Variants in CATSPERD observed in about 807,000 individuals in gnomAD.
The protein encoded by CATSPERD is cation channel sperm-associated auxiliary subunit delta.
In CATSPERD, 86 loss-of-function variants were observed where a neutral mutation model predicts 98.1. The ratio of observed to expected loss-of-function variants is 0.88; its 90% confidence interval spans 0.74 to 1.05. The LOEUF is 1.05. CATSPERD is among the 50% of genes least tolerant of loss of function. The probability of loss-of-function intolerance (pLI) is 0.00; values close to 1 mark genes in which losing one functional copy is unlikely to be tolerated. For missense variants in CATSPERD, 995 were observed against 1,005.7 expected (o/e 0.99, Z 0.14); for synonymous variants, 394 against 390.2 (o/e 1.01, Z -0.12).
At position 5,751,691 on chromosome 19, in the gene CATSPERD, C is replaced by G. The variant is rs1039343416; in HGVS notation, c.1032C>G (p.Phe344Leu). The change falls in exon 12 of 22, where the codon TTC becomes TTG. Residue 344 changes from phenylalanine to leucine, a missense_variant. Transcript: ENST00000381624. ...GGTCAGAAGACGTGGCCCTGATGTT[C>G]AGGAGCCCAGGGACTCTGGAAATAC... ...YIWSEDVALM[F>L]RSPGTLEILT... is the part of the protein sequence containing the mutation. 2 of 1,612,738 alleles carry G rather than the reference C, an allele frequency of 1.2e-6. No individual in the cohort carries two copies. The highest frequency in any genetic ancestry group is 1.3e-5 in the African/African-American group (1 of 74,974).
chr19:5,748,326 C>A, intron 10 of CATSPERD, 71 bp downstream of exon 10: 2 of 1,412,244 alleles, frequency 1.4e-6, no homozygotes, highest in Non-Finnish European at 2.0e-6. Flanking sequence ...CTGCCAGACC[C>A]AACCCAGCCA....
intron 4 of CATSPERD, among the ~76,000 whole-genome samples, chr19:5,731,562 T>TTTTTTTG (rs1157964892): frequency 9.8e-6 from 1 of 102,530 alleles, no homozygotes; most frequent in Non-Finnish European, 2.0e-5. Flanking sequence ...ACTTAACAGT[T>TTTTTTTG]TTTTTTTTTT....
chr19:5,733,228 A>T (rs1345090748), intron 4 of CATSPERD, among the ~76,000 whole-genome samples: 3 of 151,682 alleles, frequency 2.0e-5, no homozygotes, highest in Non-Finnish European at 4.4e-5. Context: ...TCCTCACCTC[A>T]GGTGATTCAC....
chr19:5,775,964 G>A (rs1031941808), intron 20 of CATSPERD, among the ~76,000 whole-genome samples, 197 bp from the exon 21 acceptor site: 1 of 152,134 alleles, frequency 6.6e-6, no homozygotes, highest in Non-Finnish European at 1.5e-5. Context: ...AGGTGAGATG[G>A]AGGCTGAGCA....
chr19:5,774,129 G>A (rs188015607), intron 20 of CATSPERD, among the ~76,000 whole-genome samples: 4 of 151,508 alleles, frequency 2.6e-5, no homozygotes, highest in East Asian at 2.0e-4. Context: ...CACCACGCCC[G>A]GTTAATTTTT....
At chr19:5,750,688 T>C (rs1599553897) in intron 11 of CATSPERD, among the ~76,000 whole-genome samples, 1 of 151,408 alleles carries the variant, frequency 6.6e-6, no homozygotes, top group Middle Eastern at 3.4e-3. Context: ...TGAGCCGAGA[T>C]CGTGCCACTG....
intron 1 of CATSPERD, among the ~76,000 whole-genome samples, chr19:5,723,671 A>G (rs1305420366): frequency 1.3e-5 from 2 of 151,456 alleles, no homozygotes; most frequent in African/African-American, 4.8e-5. Context: ...TCACCGTGTT[A>G]GCCAGGATGG....
At chr19:5,744,633 C>T in intron 8 of CATSPERD, 123 bp downstream of exon 8, 1 of 552,182 alleles carries the variant, frequency 1.8e-6, no homozygotes, top group South Asian at 2.5e-5. Flanking sequence ...CAGAGTCTCG[C>T]TCTGTCAGCC....
chr19:5,731,669 G>A (rs1023754044), intron 4 of CATSPERD, among the ~76,000 whole-genome samples: 11 of 129,598 alleles, frequency 8.5e-5, no homozygotes, highest in Admixed American at 2.0e-4. Flanking sequence ...TCCGCTTCCC[G>A]GGTTCACGCC....
intron 6 of CATSPERD, 102 bp downstream of exon 6, chr19:5,737,307 T>A: frequency 6.7e-6 from 5 of 746,340 alleles, no homozygotes; most frequent in Non-Finnish European, 1.1e-5. Flanking sequence ...ATACCTGTAA[T>A]CCCAGCACTT....
At chr19:5,757,954 C>A in intron 14 of CATSPERD, 22 bp downstream of exon 14, 2 of 1,599,812 alleles carry the variant, frequency 1.3e-6, no homozygotes, top group Non-Finnish European at 1.7e-6. Context: ...CCCCACCAAA[C>A]CCTGTCGCCT....
intron 15 of CATSPERD, 114 bp downstream of exon 15, chr19:5,759,258 G>A: frequency 1.0e-6 from 1 of 1,001,332 alleles, no homozygotes; most frequent in Admixed American, 1.8e-5. Context: ...AGTAAAACAA[G>A]GCGATTACAA....
At chr19:5,724,713 A>G in intron 1 of CATSPERD, 95 bp from the exon 2 acceptor site, 1 of 1,271,700 alleles carries the variant, frequency 7.9e-7, no homozygotes, top group Non-Finnish European at 1.1e-6. Flanking sequence ...AAAAAAGAAC[A>G]GATACTTTAG....
intron 13 of CATSPERD, among the ~76,000 whole-genome samples, chr19:5,755,340 C>T (rs894943816): frequency 1.4e-4 from 21 of 152,182 alleles, no homozygotes; most frequent in Admixed American, 1.2e-3. Flanking sequence ...ACCGATTATA[C>T]TCAGACTATT....
At chr19:5,740,718 T>C (rs971229623) in intron 7 of CATSPERD, among the ~76,000 whole-genome samples, 1 of 143,722 alleles carries the variant, frequency 7.0e-6, no homozygotes, top group African/African-American at 2.7e-5. Context: ...TGAGCCAAGA[T>C]TGCGGCACTG....
At chr19:5,754,387 C>A in intron 13 of CATSPERD, 142 bp downstream of exon 13, 24 of 381,692 alleles carry the variant, frequency 6.3e-5, no homozygotes, top group East Asian at 1.5e-4. Flanking sequence ...GAAATTGTCT[C>A]TGTGTCTTTT....
intron 8 of CATSPERD, among the ~76,000 whole-genome samples, chr19:5,745,204 G>C (rs951878183): frequency 1.3e-5 from 2 of 151,938 alleles, no homozygotes; most frequent in Non-Finnish European, 2.9e-5. Context: ...CGCCGCCGCG[G>C]CCTCCCCCAG....
intron 4 of CATSPERD, among the ~76,000 whole-genome samples, chr19:5,731,571 T>TG (rs1266702071): frequency 1.7e-5 from 2 of 118,716 alleles, no homozygotes; most frequent in Non-Finnish European, 3.5e-5. Context: ...TTTTTTTTTT[T>TG]TTTTTTTTTT....
chr19:5,746,168 C>G (rs993522895), intron 9 of CATSPERD, 105 bp downstream of exon 9: 3 of 1,238,868 alleles, frequency 2.4e-6, no homozygotes. Flanking sequence ...CTCGACCACT[C>G]GGTTATTTTT....
Sources: gnomAD v4.1 joint callset for allele counts (sites outside exome capture counted in the v4.1 genomes callset) on GRCh38, gnomAD v4.1.1 for gene constraint, MANE v1.5 for transcripts, NCBI Gene and HGNC (gene_info 2026-07-23, HGNC 2026-07-21) for gene names.